The following DNM3 variants were observed in gnomAD, a reference collection of about 807,000 sequenced individuals.
DNM3 encodes dynamin-3.
DNM3 carries 47 observed loss-of-function variants against 101.6 expected under a neutral mutation model. The observed-to-expected ratio is 0.46, with a 90% CI of 0.37 to 0.59. The LOEUF (loss-of-function observed/expected upper bound fraction) is 0.59. DNM3 is among the 20% of genes least tolerant of loss of function. The pLI, the probability that DNM3 is intolerant of heterozygous loss-of-function variation, is 0.00. For synonymous variants in DNM3, 385 were observed against 387.9 expected (o/e 0.99, Z 0.09); for missense variants, 849 against 1,085.7 (o/e 0.78, Z 3.06).
chr1:172,375,242 T>C (rs1440606155), intron 17 of DNM3, among the ~76,000 whole-genome samples: 15 of 152,210 alleles, frequency 9.9e-5, no homozygotes, highest in African/African-American at 3.4e-4. Flanking sequence ...TCATGATCAA[T>C]AGCACAATTG....
intron 14 of DNM3, among the ~76,000 whole-genome samples, chr1:172,243,663 A>G (rs2061831746): frequency 6.6e-6 from 1 of 152,216 alleles, no homozygotes. Flanking sequence ...CTACTAGAAC[A>G]GTCCATCAAA....
chr1:172,292,867 A>C (rs2586399), intron 15 of DNM3, among the ~76,000 whole-genome samples: 15,253 of 152,230 alleles, frequency 0.1, 1,053 homozygotes, highest in African/African-American at 0.2. Context: ...ACTAATTAAC[A>C]TATGAAAAAA....
At chr1:172,405,778 T>C (rs533856994) in intron 20 of DNM3, among the ~76,000 whole-genome samples, 1 of 152,066 alleles carries the variant, frequency 6.6e-6, no homozygotes, top group Admixed American at 6.6e-5. Flanking sequence ...ACAAACTCCC[T>C]GAGGGCAGGG....
chr1:172,315,347 G>A (rs1053341451), intron 16 of DNM3, among the ~76,000 whole-genome samples: 1 of 152,154 alleles, frequency 6.6e-6, no homozygotes, highest in African/African-American at 2.4e-5. Flanking sequence ...TCCTCCAAAG[G>A]AACGCAGTTC....
intron 1 of DNM3, among the ~76,000 whole-genome samples, chr1:171,884,229 T>G (rs905910450): frequency 6.6e-6 from 1 of 152,238 alleles, no homozygotes; most frequent in African/African-American, 2.4e-5. Flanking sequence ...TGGAGATTTG[T>G]ATCAGTGATG....
chr1:171,974,163 T>G (rs993751477), intron 2 of DNM3, among the ~76,000 whole-genome samples: 31 of 152,186 alleles, frequency 2.0e-4, no homozygotes, highest in African/African-American at 7.5e-4. Flanking sequence ...TTTATGAAAC[T>G]ACTAAGTATT....
At chr1:172,020,772 T>C (rs1205318532) in intron 4 of DNM3, among the ~76,000 whole-genome samples, 1 of 151,198 alleles carries the variant, frequency 6.6e-6, no homozygotes, top group Non-Finnish European at 1.5e-5. Flanking sequence ...ATATTTCCAG[T>C]TGATCACTTT....
At chr1:172,323,212 A>G (rs1233780516) in intron 16 of DNM3, 117 bp from the exon 17 acceptor site, 4 of 1,006,670 alleles carry the variant, frequency 4.0e-6, no homozygotes, top group Non-Finnish European at 5.5e-6. Flanking sequence ...TAGCAAGAAA[A>G]ACCTCATTTT....
chr1:171,869,104 A>G (rs1043335558), intron 1 of DNM3, among the ~76,000 whole-genome samples: 12 of 152,172 alleles, frequency 7.9e-5, no homozygotes, highest in African/African-American at 2.7e-4. Flanking sequence ...TTAAACTACA[A>G]TTGCAGAGCT....
intron 4 of DNM3, among the ~76,000 whole-genome samples, chr1:172,023,496 T>G (rs1355138309): frequency 6.6e-6 from 1 of 152,178 alleles, no homozygotes; most frequent in Non-Finnish European, 1.5e-5. Flanking sequence ...TTTTTTAGTT[T>G]CCAGTTTGCT....
intron 4 of DNM3, among the ~76,000 whole-genome samples, chr1:172,031,147 C>T (rs1248456724): frequency 6.6e-6 from 1 of 152,106 alleles, no homozygotes; most frequent in Non-Finnish European, 1.5e-5. Flanking sequence ...GAATTGGAAC[C>T]AACCCAAATG....
At chr1:171,875,435 CT>C (rs1008246509) in intron 1 of DNM3, among the ~76,000 whole-genome samples, 103 of 152,198 alleles carry the variant, frequency 6.8e-4, no homozygotes, top group Non-Finnish European at 1.1e-3. Flanking sequence ...GCTGTTGTAC[CT>C]TTTTTTCTTT....
At chr1:171,882,430 T>TACAC (rs34753464) in intron 1 of DNM3, among the ~76,000 whole-genome samples, 11,724 of 145,312 alleles carry the variant, frequency 0.081, 567 homozygotes, top group East Asian at 0.15. Context: ...TCTCTCTCTA[T>TACAC]ACACACACAC....
At chr1:171,884,520 T>A (rs905876150) in intron 1 of DNM3, among the ~76,000 whole-genome samples, 1 of 152,220 alleles carries the variant, frequency 6.6e-6, no homozygotes, top group African/African-American at 2.4e-5. Context: ...TGCCCTGCAA[T>A]AAGCCACCCC....
intron 2 of DNM3, among the ~76,000 whole-genome samples, chr1:171,986,753 T>G (rs1482588026): frequency 2.0e-5 from 3 of 151,970 alleles, no homozygotes; most frequent in African/African-American, 4.8e-5. Flanking sequence ...GGGTCCAAGA[T>G]GCTTAGGCAT....
intron 1 of DNM3, among the ~76,000 whole-genome samples, chr1:171,869,507 C>T (rs947537946): frequency 2.6e-5 from 4 of 152,168 alleles, no homozygotes; most frequent in African/African-American, 7.2e-5. Flanking sequence ...CTGTTTTACC[C>T]GAGAAATCCT....
At chr1:171,960,178 CAG>C (rs1213763789) in intron 2 of DNM3, among the ~76,000 whole-genome samples, 2 of 152,060 alleles carry the variant, frequency 1.3e-5, no homozygotes, top group Non-Finnish European at 2.9e-5. Context: ...TGATAAGAGG[CAG>C]AGACTGGAGT....
chr1:172,015,430 T>G (rs2047386993), intron 4 of DNM3, among the ~76,000 whole-genome samples: 1 of 152,208 alleles, frequency 6.6e-6, no homozygotes. Flanking sequence ...TATTTAGTTC[T>G]TCTTTAATAT....
intron 14 of DNM3, among the ~76,000 whole-genome samples, chr1:172,202,882 A>T (rs1039859779): frequency 8.5e-5 from 13 of 152,196 alleles, no homozygotes; most frequent in Admixed American, 5.9e-4. Context: ...AATCAGGGAT[A>T]TCTGAAGTTA....
Sources: allele counts gnomAD v4.1 joint callset (sites outside exome capture counted in the v4.1 genomes callset), GRCh38; gene constraint gnomAD v4.1.1; transcripts MANE v1.5; gene names NCBI Gene and HGNC (gene_info 2026-07-23, HGNC 2026-07-21).